EXOC6: variants seen among roughly 807,000 people sequenced by gnomAD.
EXOC6 encodes the protein exocyst complex component 6.
In EXOC6, 60 loss-of-function variants were observed where a neutral mutation model predicts 112.5. The ratio of observed to expected loss-of-function variants is 0.53; its 90% CI spans 0.43 to 0.66. EXOC6 has a LOEUF of 0.66. Among genes scored for constraint, EXOC6 ranks in the 30% least tolerant of loss-of-function variants. EXOC6 has a pLI of 0.00. For missense variants in EXOC6, 855 were observed against 957.1 expected, an observed-to-expected ratio of 0.89 and a Z score of 1.41; for synonymous variants, 295 against 308.0, an observed-to-expected ratio of 0.96 and a Z score of 0.44.
intron 9 of EXOC6, among the ~76,000 whole-genome samples, chr10:92,928,801 CAAG>C (rs1564838365): frequency 6.6e-6 from 1 of 152,044 alleles, no homozygotes; most frequent in Non-Finnish European, 1.5e-5. Flanking sequence ...AACAAAAAGA[CAAG>C]AAACTAAGTG....
At chr10:92,988,654 G>A (rs991184307) in intron 18 of EXOC6, among the ~76,000 whole-genome samples, 1 of 152,038 alleles carries the variant, frequency 6.6e-6, no homozygotes, top group African/African-American at 2.4e-5. Flanking sequence ...AATTATCTCA[G>A]CCTCTTTCCA....
chr10:92,993,080 ACAGAAT>A (rs1169885829), intron 18 of EXOC6, among the ~76,000 whole-genome samples: 2 of 152,114 alleles, frequency 1.3e-5, no homozygotes, highest in Non-Finnish European at 2.9e-5. Flanking sequence ...AAAAAGCCAT[ACAGAAT>A]CAGAATTAAT....
intron 1 of EXOC6, among the ~76,000 whole-genome samples, chr10:92,835,269 G>T (rs1040492986): frequency 2.0e-5 from 3 of 152,102 alleles, no homozygotes; most frequent in African/African-American, 7.2e-5. Flanking sequence ...TGACCATTCA[G>T]ATATGTATTA....
intron 20 of EXOC6, among the ~76,000 whole-genome samples, chr10:93,030,287 C>T (rs1349345767): frequency 6.6e-6 from 1 of 151,326 alleles, no homozygotes; most frequent in Non-Finnish European, 1.5e-5. Flanking sequence ...AAGCAGTCTG[C>T]CCACCTGAGC....
chr10:92,932,132 T>G (rs1358084138), intron 9 of EXOC6, among the ~76,000 whole-genome samples: 1 of 152,292 alleles, frequency 6.6e-6, no homozygotes, highest in African/African-American at 2.4e-5. Context: ...AAAAGGGAAT[T>G]GATACATGCA....
chr10:93,028,015 T>G (rs1382801382), intron 20 of EXOC6, among the ~76,000 whole-genome samples: 1 of 152,188 alleles, frequency 6.6e-6, no homozygotes. Context: ...TAAAGACATT[T>G]GTGATTGGTC....
intron 8 of EXOC6, among the ~76,000 whole-genome samples, chr10:92,924,396 A>C (rs545462142): frequency 6.6e-6 from 1 of 152,330 alleles, no homozygotes; most frequent in South Asian, 2.1e-4. Flanking sequence ...GGGCTGCCAA[A>C]AATTTTAAGT....
intron 1 of EXOC6, among the ~76,000 whole-genome samples, chr10:92,858,020 GT>G (rs1451394840): frequency 2.7e-5 from 3 of 112,252 alleles, no homozygotes; most frequent in South Asian, 3.7e-4. Flanking sequence ...TAGTTGACGG[GT>G]TCCCCCCCTC....
chr10:92,851,709 A>G (rs1251830605), intron 1 of EXOC6, among the ~76,000 whole-genome samples: 1 of 151,992 alleles, frequency 6.6e-6, no homozygotes, highest in Non-Finnish European at 1.5e-5. Context: ...AACCAAACAA[A>G]CAAAAAAACG....
At chr10:92,896,097 GTGTA>G (rs146819169) in intron 4 of EXOC6, among the ~76,000 whole-genome samples, 365 of 19,684 alleles carry the variant, frequency 0.019, 15 homozygotes, top group East Asian at 0.15. Context: ...ATATATATGT[GTGTA>G]TATATATGTG....
intron 18 of EXOC6, among the ~76,000 whole-genome samples, chr10:92,993,553 TAA>T (rs1322400700): frequency 1.3e-5 from 2 of 152,198 alleles, no homozygotes; most frequent in Non-Finnish European, 2.9e-5. Context: ...AATTAGTTTT[TAA>T]GTGTTCTACA....
chr10:93,050,426 C>T (rs1846225249), intron 20 of EXOC6, among the ~76,000 whole-genome samples: 1 of 151,630 alleles, frequency 6.6e-6, no homozygotes, highest in African/African-American at 2.4e-5. Context: ...TGGTATGTGC[C>T]TGTAGTCCCA....
intron 20 of EXOC6, among the ~76,000 whole-genome samples, chr10:93,046,759 G>A (rs1846018258): frequency 6.6e-6 from 1 of 152,092 alleles, no homozygotes; most frequent in East Asian, 1.9e-4. Context: ...CACCACGCCC[G>A]ACTAATTTTG....
chr10:92,846,078 G>A (rs1307065713), upstream of EXOC6, among the ~76,000 whole-genome samples: 1 of 152,234 alleles, frequency 6.6e-6, no homozygotes, highest in African/African-American at 2.4e-5. Flanking sequence ...TGTTTCAGAA[G>A]GAGAAGTGGT....
At chr10:92,991,435 C>CAAAAAAA (rs1449664701) in intron 18 of EXOC6, among the ~76,000 whole-genome samples, 3 of 48,848 alleles carry the variant, frequency 6.1e-5, no homozygotes, top group Non-Finnish European at 9.4e-5. Flanking sequence ...GACTCCATCT[C>CAAAAAAA]AAAAAAAAAA....
intron 13 of EXOC6, among the ~76,000 whole-genome samples, chr10:92,946,494 A>G (rs1853017385): frequency 6.6e-6 from 1 of 152,044 alleles, no homozygotes; most frequent in South Asian, 2.1e-4. Flanking sequence ...TTTTATTTAG[A>G]TTATTCTTCA....
At chr10:92,849,393 A>G (rs552886074) in intron 1 of EXOC6, among the ~76,000 whole-genome samples, 1 of 152,354 alleles carries the variant, frequency 6.6e-6, no homozygotes, top group Admixed American at 6.5e-5. Context: ...CATTTTAAGA[A>G]TAGTACTAGG....
At chr10:92,863,606 C>T (rs940736255) in intron 1 of EXOC6, among the ~76,000 whole-genome samples, 2 of 152,016 alleles carry the variant, frequency 1.3e-5, no homozygotes, top group Admixed American at 6.6e-5. Context: ...GGAGAGATCC[C>T]ATCTCTACAA....
At chr10:92,882,544 CA>C (rs386372107) in intron 1 of EXOC6, among the ~76,000 whole-genome samples, 1,955 of 112,882 alleles carry the variant, frequency 0.017, 31 homozygotes, top group African/African-American at 0.06. Flanking sequence ...GGCTCTGTCT[CA>C]AAAAAAAAAA....
Sources: gnomAD v4.1 joint callset for allele counts (sites outside exome capture counted in the v4.1 genomes callset) on GRCh38, gnomAD v4.1.1 for gene constraint, MANE v1.5 for transcripts, NCBI Gene and HGNC (gene_info 2026-07-23, HGNC 2026-07-21) for gene names.